Variants in RBFOX1 observed in about 807,000 individuals in gnomAD.
RBFOX1 encodes the protein RNA binding fox-1 homolog 1, also known as RNA binding protein fox-1 homolog 1.
Under a neutral mutation model 57.7 loss-of-function variants are expected in RBFOX1, and 8 were observed. That is an observed-to-expected ratio of 0.14 (90% CI 0.08 to 0.25). RBFOX1 has a LOEUF of 0.25. RBFOX1 is among the 10% of genes least tolerant of loss of function. The probability of loss-of-function intolerance (pLI) is 1.00; values close to 1 mark genes in which losing one functional copy is unlikely to be tolerated. For synonymous variants in RBFOX1, 326 were observed against 222.4 expected (o/e 1.47, Z -4.15); for missense variants, 611 against 548.5 (o/e 1.11, Z -1.14).
chr16:6,112,419 G>A lies in RBFOX1; in HGVS notation c.-127+92427G>A, dbSNP rs116032904. On this transcript the variant is annotated intron_variant, in intron 1 of 15. Transcript: ENST00000550418. ...GTTAAAGAAGTCCGAGGCTGGGCAC[G>A]GTGACTCACGCCTGTAATCCCAGCA... Among the ~76,000 whole-genome samples, 1,047 of 152,240 alleles carry A rather than the reference G, an allele frequency of 6.9e-3. 12 individuals carry two copies. The highest frequency in any genetic ancestry group is 0.024 in the African/African-American group (978 of 41,550).
chr16:6,121,877 A>G (rs1474011477), intron 1 of RBFOX1, among the ~76,000 whole-genome samples: 1 of 152,180 alleles, frequency 6.6e-6, no homozygotes, highest in East Asian at 1.9e-4. Flanking sequence ...CCTAAGACAG[A>G]GTTAGTAGTC....
chr16:6,178,669 G>A (rs571946751), intron 1 of RBFOX1, among the ~76,000 whole-genome samples: 5 of 152,224 alleles, frequency 3.3e-5, no homozygotes, highest in East Asian at 3.9e-4. Context: ...CTTTGAGCCC[G>A]GATGATCCTA....
intron 3 of RBFOX1, among the ~76,000 whole-genome samples, chr16:6,795,077 TA>T (rs1362919768): frequency 2.6e-5 from 4 of 152,148 alleles, no homozygotes; most frequent in Non-Finnish European, 5.9e-5. Flanking sequence ...TATGTCACTT[TA>T]AAAAAATGAG....
At chr16:6,082,565 C>A (rs1040340125) in intron 1 of RBFOX1, among the ~76,000 whole-genome samples, 1 of 151,662 alleles carries the variant, frequency 6.6e-6, no homozygotes, top group Non-Finnish European at 1.5e-5. Context: ...GGGCTAAGGG[C>A]TAACAGCCCT....
intron 5 of RBFOX1, among the ~76,000 whole-genome samples, chr16:7,579,366 T>A (rs1192579087): frequency 1.3e-5 from 2 of 152,182 alleles, no homozygotes; most frequent in Non-Finnish European, 2.9e-5. Context: ...CTGTCCTGCC[T>A]TTAAAGATTA....
intron 1 of RBFOX1, among the ~76,000 whole-genome samples, chr16:5,303,917 C>G (rs1462612405): frequency 6.6e-6 from 1 of 152,050 alleles, no homozygotes; most frequent in African/African-American, 2.4e-5. Context: ...AAACAAGGCA[C>G]CGTGGGAGTA....
At chr16:6,866,290 C>T (rs897271170) in intron 3 of RBFOX1, among the ~76,000 whole-genome samples, 1 of 151,760 alleles carries the variant, frequency 6.6e-6, no homozygotes, top group Non-Finnish European at 1.5e-5. Flanking sequence ...GATAGGGTGG[C>T]TGATGGGCTT....
intron 5 of RBFOX1, among the ~76,000 whole-genome samples, chr16:7,527,879 T>G (rs896139714): frequency 2.0e-5 from 3 of 152,330 alleles, no homozygotes; most frequent in Middle Eastern, 3.4e-3. Context: ...GGAGAATACA[T>G]TCATCATAAG....
rs537780476 is a variant in RBFOX1 at position 5,572,120 on chromosome 16, T to A, written c.259-26782T>A. 4.3e-4 allele frequency among the ~76,000 whole-genome samples: 66 copies of A among 152,200 alleles called. 2 individuals carry two copies. In the East Asian group the frequency reaches 0.011, roughly 25 times the overall value. On this transcript the variant is annotated intron_variant, in intron 2 of 2. Coordinates refer to the RBFOX1 transcript ENST00000585867. ...CCCTTGTGGTCCCTTAAATACATGATTTGTTAGGAATGGAATGGCTTAATC... is the reference window on the plus strand; with the variant it reads ...CCCTTGTGGTCCCTTAAATACATGAATTGTTAGGAATGGAATGGCTTAATC...
At chr16:6,595,285 T>A (rs943734334) in intron 2 of RBFOX1, among the ~76,000 whole-genome samples, 3 of 152,210 alleles carry the variant, frequency 2.0e-5, no homozygotes, top group African/African-American at 4.8e-5. Context: ...CTATTCTGGG[T>A]ATGTCATGTA....
At chr16:6,977,422 T>G (rs1159061255) in intron 3 of RBFOX1, among the ~76,000 whole-genome samples, 1 of 152,090 alleles carries the variant, frequency 6.6e-6, no homozygotes, top group Non-Finnish European at 1.5e-5. Context: ...CAAACATTAT[T>G]TACTTGTTCC....
chr16:5,469,553 G>C (rs1349851934), intron 2 of RBFOX1, among the ~76,000 whole-genome samples: 1 of 152,148 alleles, frequency 6.6e-6, no homozygotes, highest in Non-Finnish European at 1.5e-5. Flanking sequence ...ACAGTGAGCA[G>C]CTCCGTGGGT....
intron 4 of RBFOX1, among the ~76,000 whole-genome samples, chr16:7,479,119 T>TG (rs201748784): frequency 0.014 from 2,150 of 150,394 alleles, 44 homozygotes; most frequent in African/African-American, 0.041. Flanking sequence ...AGTTTTGTTT[T>TG]TTTTTTTTTA....
intron 3 of RBFOX1, among the ~76,000 whole-genome samples, chr16:6,917,773 C>T (rs895193696): frequency 1.3e-5 from 2 of 152,182 alleles, no homozygotes; most frequent in Non-Finnish European, 2.9e-5. Context: ...GCTTGTTCTC[C>T]TCCTCTGTGG....
intron 3 of RBFOX1, among the ~76,000 whole-genome samples, chr16:6,678,527 AAG>A (rs1442173102): frequency 6.6e-5 from 10 of 151,808 alleles, no homozygotes; most frequent in African/African-American, 2.2e-4. Flanking sequence ...TTACAAAATA[AAG>A]AGAGTGAAAC....
chr16:6,223,209 T>G (rs1235344979), intron 1 of RBFOX1, among the ~76,000 whole-genome samples: 2 of 151,260 alleles, frequency 1.3e-5, no homozygotes, highest in Non-Finnish European at 2.9e-5. Flanking sequence ...CCTTTGGGTA[T>G]ATACCCAGTA....
At chr16:5,955,659 C>G (rs920177051) in intron 4 of RBFOX1, among the ~76,000 whole-genome samples, 1 of 152,106 alleles carries the variant, frequency 6.6e-6, no homozygotes, top group Non-Finnish European at 1.5e-5. Context: ...GAGGGAAAAA[C>G]TGATAGACTT....
At chr16:7,344,101 C>CTTT (rs61008217) in intron 4 of RBFOX1, among the ~76,000 whole-genome samples, 24 of 90,606 alleles carry the variant, frequency 2.6e-4, no homozygotes, top group Admixed American at 7.7e-4. Context: ...CTCAGCTTTA[C>CTTT]TTTTTTTTTT....
intron 1 of RBFOX1, among the ~76,000 whole-genome samples, chr16:5,452,232 C>T (rs2068449910): frequency 6.6e-6 from 1 of 151,740 alleles, no homozygotes. Flanking sequence ...GATCCTCCCA[C>T]CTCAGCTTCC....
Sources: allele counts gnomAD v4.1 joint callset (sites outside exome capture counted in the v4.1 genomes callset), GRCh38; gene constraint gnomAD v4.1.1; transcripts MANE v1.5; gene names NCBI Gene and HGNC (gene_info 2026-07-23, HGNC 2026-07-21).